The following DTHD1 variants were observed in gnomAD, a reference collection of about 807,000 sequenced individuals.
The protein encoded by DTHD1 is death domain-containing protein 1.
Under a neutral mutation model 74.8 loss-of-function variants are expected in DTHD1, and 59 were observed. That is an observed-to-expected ratio of 0.79 (90% confidence interval 0.64 to 0.98). The LOEUF is 0.98. Ranked by LOEUF, DTHD1 falls within the 50% of genes least tolerant of loss-of-function variation. The pLI is 0.00. For synonymous variants in DTHD1, 365 were observed against 371.1 expected, an observed-to-expected ratio of 0.98 and a Z score of 0.19; for missense variants, 1,051 against 1,065.4, an observed-to-expected ratio of 0.99 and a Z score of 0.19.
chr4:36,283,920 C>A, intron 1 of DTHD1, 56 bp from the exon 2 acceptor site: 2 of 1,218,024 alleles, frequency 1.6e-6, no homozygotes, highest in South Asian at 1.5e-5. Context: ...AGTGCAGAAA[C>A]ATAATTTGGT....
rs577056329 is a variant in DTHD1 at position 36,290,839 on chromosome 4, C to T, written c.1218+136C>T. The stretch of plus-strand genomic sequence containing the variant: ...AAGGACTTTTGAATTTGTGCCAGTG[C>T]GTTCACAGTTTATTGCCATCCATAA... On this transcript the variant is annotated intron_variant, in intron 3 of 9. Transcript: ENST00000639862. The T allele has an allele frequency of 8.6e-5, 62 of 719,932 alleles. No individual in the cohort carries two copies. The East Asian group carries it at 1.1e-3, about 12-fold the overall frequency. 44.6% of individuals were successfully genotyped at this position (719,932 alleles called of 1,614,324 possible). A position where few individuals can be genotyped will look rare whatever the true frequency, so the allele number is the denominator to read the frequency against.
rs781126662 is a variant in DTHD1, at chr4:36,343,517, A to G, written c.2414A>G (p.Asn805Ser). 4 of 1,551,334 alleles carry G rather than the reference A, an allele frequency of 2.6e-6. No homozygotes were observed. The highest frequency in any genetic ancestry group is 3.9e-5 in the Admixed American group (2 of 50,994). Residue 805 changes from asparagine to serine, a missense_variant, in exon 10 of 10, where the codon AAC (asparagine) becomes AGC (serine). Asn to Ser is a conservative substitution (Grantham distance 46). Transcript: ENST00000639862. ...TGCCTGACAGAAGCCCTTTGGGATA[A>G]CTTGCTCCATTGGCTGGCTGAGGAG... Reference protein sequence around the residue: ...SKDPVEALWDNLLHWLAEELS... With the variant: ...SKDPVEALWDSLLHWLAEELS...
In DTHD1 at chr4:36,293,506, A is replaced by G. The variant is rs1213477883; in HGVS notation, c.1219-20A>G. 5 of 1,476,598 alleles carry G rather than the reference A, an allele frequency of 3.4e-6. No homozygotes were observed. In the African/African-American group the frequency reaches 4.3e-5, roughly 13 times the overall value. 91.5% of individuals were successfully genotyped at this position (1,476,598 alleles called of 1,614,324 possible). On this transcript the variant is annotated intron_variant, in intron 3 of 9. Transcript: ENST00000639862. Reference sequence around the variant, plus strand: ...CAAATCAGTGCTATAGCTTATTTTAATGTTCTTTATTCTATACAGGGGACC... The same window carrying G: ...CAAATCAGTGCTATAGCTTATTTTAGTGTTCTTTATTCTATACAGGGGACC...
rs1174054809 is a variant in DTHD1 at position 36,308,378 on chromosome 4, G to C, written c.1980G>C (p.Val660=). 1 of 1,551,816 alleles carries C rather than the reference G, an allele frequency of 6.4e-7. No homozygotes were observed. Among genetic ancestry groups the C allele is most frequent in the Admixed American group, 2.0e-5 (1 of 51,004 alleles). ...LVVPSKDLSQ[V]LKDLHLEGFG... is the part of the protein sequence containing the mutation. Reference sequence around the variant, plus strand: ...TGCCTTCCAAAGATTTAAGCCAGGTGCTTAAGGACCTGCACTTGGAAGGGT... The same window carrying C: ...TGCCTTCCAAAGATTTAAGCCAGGTCCTTAAGGACCTGCACTTGGAAGGGT... The change falls in exon 7 of 10, where the codon GTG becomes GTC. Residue 660 remains valine (V), a synonymous_variant. Coordinates refer to ENST00000639862, the MANE Select transcript of DTHD1 (RefSeq NM_001170700.3).
At chr4:36,287,768 C>T (rs1210683568) in intron 2 of DTHD1, among the ~76,000 whole-genome samples, 1 of 152,108 alleles carries the variant, frequency 6.6e-6, no homozygotes, top group Non-Finnish European at 1.5e-5. Context: ...TGTTTGTTGA[C>T]CATTTGCATA....
chr4:36,332,167 A>C (rs1758718994), intron 8 of DTHD1, among the ~76,000 whole-genome samples: 1 of 150,420 alleles, frequency 6.6e-6, no homozygotes, highest in Non-Finnish European at 1.5e-5. Context: ...CCTTGGCTAC[A>C]AACGCAAGAC....
rs1213359729 is a variant in DTHD1, at chr4:36,308,343, G to C, written c.1945G>C (p.Val649Leu). 1.9e-6 allele frequency: 3 copies of C among 1,551,766 alleles called. No homozygotes were observed. The African/African-American group carries it at 4.1e-5, about 21-fold the overall frequency. The change falls in exon 7 of 10, where the codon GTT becomes CTT. Residue 649 changes from valine to leucine, a missense_variant. Coordinates refer to ENST00000639862, the MANE Select transcript of DTHD1 (RefSeq NM_001170700.3). ...HQKDNPHRIA[V>L]LVVPSKDLSQ... ...GAAGGACAATCCACATAGAATAGCT[G>C]TTTTAGTGGTGCCTTCCAAAGATTT...
Position 36,307,890 on chromosome 4 carries a change from T to A in DTHD1, c.1806-314T>A, listed in dbSNP as rs73117689. Among the ~76,000 whole-genome samples the A allele has an allele frequency of 5.9e-3, 897 of 152,334 alleles. 2 individuals are homozygous for A. The highest frequency in any genetic ancestry group is 0.021 in the African/African-American group (856 of 41,578). ...TTCTTTTTTTATTTATTTCTTTTTTTACAGAGATTGAGTTTTGCCATGTTG... is the reference window on the plus strand; with the variant it reads ...TTCTTTTTTTATTTATTTCTTTTTTAACAGAGATTGAGTTTTGCCATGTTG... On this transcript the variant is annotated intron_variant, in intron 6 of 9. Coordinates refer to ENST00000639862, the MANE Select transcript of DTHD1 (RefSeq NM_001170700.3).
intron 5 of DTHD1, among the ~76,000 whole-genome samples, chr4:36,304,515 G>C (rs1756939578): frequency 6.6e-6 from 1 of 152,170 alleles, no homozygotes; most frequent in Non-Finnish European, 1.5e-5. Flanking sequence ...GTGAAAGTAA[G>C]TTGGTTTTTA....
intron 7 of DTHD1, chr4:36,311,057 C>T (rs950653912): frequency 1.4e-4 from 22 of 152,258 alleles, no homozygotes; most frequent in Non-Finnish European, 3.1e-4. Flanking sequence ...TACCAACCAC[C>T]CTAAATAGGA....
intron 8 of DTHD1, among the ~76,000 whole-genome samples, chr4:36,317,056 C>G (rs1309552754): frequency 6.6e-6 from 1 of 152,096 alleles, no homozygotes; most frequent in Non-Finnish European, 1.5e-5. Flanking sequence ...TCTAAACTAC[C>G]TTTTTAACAA....
chr4:36,293,138 C>G (rs1157039949), intron 3 of DTHD1, among the ~76,000 whole-genome samples: 1 of 152,052 alleles, frequency 6.6e-6, no homozygotes, highest in Non-Finnish European at 1.5e-5. Context: ...CTTAGGATTC[C>G]CTAGAACAGT....
rs534797041 is a variant in DTHD1, at chr4:36,290,560, C to T, written c.1075C>T (p.Pro359Ser). ...IECSDKEKRV[P>S]FPIGIAIPFT... ...ATGCTCAGATAAGGAAAAGAGAGTT[C>T]CATTTCCAATAGGCATTGCAATTCC... Residue 359 changes from proline (P) to serine (S), a missense_variant, in exon 3 of 10, where the codon CCA (proline) becomes TCA (serine). By Grantham distance (74) the Pro-to-Ser change is moderately conservative. Transcript: ENST00000639862. The T allele has an allele frequency of 6.4e-7, 1 of 1,551,540 alleles. No homozygotes were observed. Among genetic ancestry groups the T allele is most frequent in the South Asian group, 1.2e-5 (1 of 84,052 alleles).
chr4:36,324,457 A>C (rs1365130501), intron 8 of DTHD1, among the ~76,000 whole-genome samples: 2 of 152,226 alleles, frequency 1.3e-5, no homozygotes, highest in African/African-American at 4.8e-5. Context: ...AATTTCATTG[A>C]TGTGTTTGCA....
chr4:36,283,891 C>T (rs1755539603), intron 1 of DTHD1, 85 bp from the exon 2 acceptor site: 2 of 968,792 alleles, frequency 2.1e-6, no homozygotes. Flanking sequence ...AATTATCTTG[C>T]CATGTTTCAT....
chr4:36,290,326 A>G, intron 2 of DTHD1, 47 bp from the exon 3 acceptor site: 1 of 1,491,748 alleles, frequency 6.7e-7, no homozygotes, highest in Non-Finnish European at 9.0e-7. Context: ...GCTGTAAAGT[A>G]CATAAATCAA....
At chr4:36,325,445 A>G (rs1033436482) in intron 8 of DTHD1, among the ~76,000 whole-genome samples, 1 of 152,238 alleles carries the variant, frequency 6.6e-6, no homozygotes, top group African/African-American at 2.4e-5. Context: ...AAGTTTTGTT[A>G]GCAACATTAC....
At chr4:36,283,837 G>A (rs922999463) in intron 1 of DTHD1, 139 bp from the exon 2 acceptor site, 3 of 625,282 alleles carry the variant, frequency 4.8e-6, no homozygotes, top group African/African-American at 1.8e-5. Flanking sequence ...TCTCCTTCAG[G>A]AGTTTGGCTT....
At chr4:36,318,212 G>A (rs1016171153) in intron 8 of DTHD1, among the ~76,000 whole-genome samples, 1 of 152,206 alleles carries the variant, frequency 6.6e-6, no homozygotes, top group Admixed American at 6.5e-5. Flanking sequence ...CTTCCTGTGT[G>A]TTGAATGGCT....
Sources: gnomAD v4.1 joint callset for allele counts (sites outside exome capture counted in the v4.1 genomes callset) on GRCh38, gnomAD v4.1.1 for gene constraint, MANE v1.5 for transcripts, NCBI Gene and HGNC (gene_info 2026-07-23, HGNC 2026-07-21) for gene names.